The following WWOX variants were observed in gnomAD, a reference collection of about 807,000 sequenced individuals.
The protein encoded by WWOX is WW domain containing oxidoreductase.
WWOX carries 69 observed loss-of-function variants against 46.2 expected under a neutral mutation model. The observed-to-expected ratio is 1.49, with a 90% CI of 1.23 to 1.82. WWOX has a LOEUF of 1.82. Among genes scored for constraint, WWOX ranks in the 40% most tolerant of loss-of-function variants. WWOX has a pLI of 0.00. For synonymous variants in WWOX, 359 were observed against 202.6 expected, an observed-to-expected ratio of 1.77 and a Z score of -6.56; for missense variants, 919 against 542.6, an observed-to-expected ratio of 1.69 and a Z score of -6.89.
intron 4 of WWOX, among the ~76,000 whole-genome samples, chr16:78,127,541 A>G (rs74373318): frequency 0.019 from 2,881 of 147,852 alleles, 108 homozygotes; most frequent in African/African-American, 0.069. Context: ...CACCGAGACG[A>G]GGTTATTTTT....
At chr16:78,746,233 C>T (rs1006445444) in intron 8 of WWOX, among the ~76,000 whole-genome samples, 1 of 152,208 alleles carries the variant, frequency 6.6e-6, no homozygotes, top group African/African-American at 2.4e-5. Context: ...CATGGTGGCT[C>T]ACACCTGTAA....
intron 5 of WWOX, among the ~76,000 whole-genome samples, chr16:78,379,572 G>C (rs1255558246): frequency 1.3e-5 from 2 of 152,200 alleles, no homozygotes; most frequent in Non-Finnish European, 2.9e-5. Context: ...CTGTGCCAGG[G>C]ATTCTTTTGT....
intron 5 of WWOX, among the ~76,000 whole-genome samples, chr16:78,345,372 G>A: frequency 9.9e-6 from 1 of 101,148 alleles, no homozygotes. Flanking sequence ...TTTAATCCCA[G>A]CACTTTGCGA....
At chr16:78,586,516 G>A (rs1042585527) in intron 8 of WWOX, among the ~76,000 whole-genome samples, 27 of 152,132 alleles carry the variant, frequency 1.8e-4, no homozygotes, top group Non-Finnish European at 5.9e-5. Flanking sequence ...TTTACTCATT[G>A]TCTAATTGAA....
At chr16:78,962,827 T>A (rs1477034274) in intron 8 of WWOX, among the ~76,000 whole-genome samples, 1 of 152,188 alleles carries the variant, frequency 6.6e-6, no homozygotes, top group East Asian at 1.9e-4. Flanking sequence ...CATTAAGAGG[T>A]AACCACTATT....
intron 8 of WWOX, among the ~76,000 whole-genome samples, chr16:78,608,569 A>T (rs1375990293): frequency 6.6e-6 from 1 of 152,194 alleles, no homozygotes; most frequent in Non-Finnish European, 1.5e-5. Context: ...AGAAAGAGTT[A>T]AGTGAGGTAA....
At chr16:78,825,347 C>A in intron 8 of WWOX, 1 of 309,928 alleles carries the variant, frequency 3.2e-6, no homozygotes, top group South Asian at 3.6e-5. Context: ...TGAACGGAAT[C>A]AGTTTCTTAC....
chr16:78,623,657 G>A (rs930237918), intron 8 of WWOX, among the ~76,000 whole-genome samples: 2 of 151,258 alleles, frequency 1.3e-5, no homozygotes, highest in African/African-American at 4.9e-5. Context: ...TAACCAAGTT[G>A]TGAAAGGAGC....
chr16:78,667,991 C>G (rs1361895105), intron 8 of WWOX, among the ~76,000 whole-genome samples: 1 of 151,926 alleles, frequency 6.6e-6, no homozygotes, highest in African/African-American at 2.4e-5. Flanking sequence ...CAAAACCATA[C>G]AACTTGGCTG....
intron 8 of WWOX, among the ~76,000 whole-genome samples, chr16:78,752,926 C>T (rs1454240875): frequency 1.3e-5 from 2 of 152,210 alleles, no homozygotes; most frequent in African/African-American, 2.4e-5. Flanking sequence ...CGGCACACTC[C>T]AGCTTAAATA....
chr16:78,468,102 T>C lies in WWOX; in HGVS notation c.1056+35350T>C, dbSNP rs1291723846. Among the ~76,000 whole-genome samples, 31 of 152,146 alleles carry C rather than the reference T, an allele frequency of 2.0e-4. 1 individual carries two copies. The highest frequency in any genetic ancestry group is 2.0e-3 in the Admixed American group (31 of 15,262). On this transcript the variant is annotated intron_variant, in intron 8 of 8. Transcript: ENST00000566780. ...CATTTTCTAAGTGTCCTCATTGCCCTCTGGGAATGTTCATGGCCTCTGGGA... is the reference window on the plus strand; with the variant it reads ...CATTTTCTAAGTGTCCTCATTGCCCCCTGGGAATGTTCATGGCCTCTGGGA...
intron 8 of WWOX, among the ~76,000 whole-genome samples, chr16:78,546,561 ATAAT>A (rs1209916467): frequency 3.9e-5 from 6 of 152,246 alleles, no homozygotes; most frequent in African/African-American, 7.2e-5. Flanking sequence ...GTTTGTTGAA[ATAAT>A]TAATTCTCAA....
chr16:79,041,543 G>C (rs528812844), intron 8 of WWOX, among the ~76,000 whole-genome samples: 3 of 152,252 alleles, frequency 2.0e-5, no homozygotes, highest in African/African-American at 7.2e-5. Context: ...GCTTAGCAGG[G>C]GGCCAAGGAG....
intron 8 of WWOX, among the ~76,000 whole-genome samples, chr16:78,828,094 G>A (rs544867733): frequency 1.8e-4 from 27 of 152,266 alleles, no homozygotes; most frequent in African/African-American, 5.8e-4. Flanking sequence ...CAGGCTGTGA[G>A]GCCTTAATGA....
intron 8 of WWOX, among the ~76,000 whole-genome samples, chr16:78,596,153 C>G (rs1199274996): frequency 6.7e-6 from 1 of 149,248 alleles, no homozygotes; most frequent in African/African-American, 2.6e-5. Flanking sequence ...GAATATAAAA[C>G]AAAATACGAT....
intron 8 of WWOX, among the ~76,000 whole-genome samples, chr16:78,584,919 C>T (rs2045157171): frequency 6.6e-6 from 1 of 152,222 alleles, no homozygotes; most frequent in African/African-American, 2.4e-5. Context: ...CAGAATTTTT[C>T]TCCCGCCTCG....
intron 5 of WWOX, among the ~76,000 whole-genome samples, chr16:78,365,583 A>G (rs1416821522): frequency 6.6e-6 from 1 of 152,216 alleles, no homozygotes; most frequent in Non-Finnish European, 1.5e-5. Flanking sequence ...TCCCTGAATC[A>G]TAGTGTTGCT....
At chr16:79,157,761 G>A (rs917560559) in intron 8 of WWOX, among the ~76,000 whole-genome samples, 36 of 152,202 alleles carry the variant, frequency 2.4e-4, no homozygotes, top group Admixed American at 5.2e-4. Flanking sequence ...AGAGTGGAGG[G>A]ACATGGGGAG....
intron 8 of WWOX, among the ~76,000 whole-genome samples, chr16:78,579,023 T>C (rs1473720377): frequency 2.6e-5 from 4 of 152,200 alleles, no homozygotes; most frequent in Admixed American, 2.0e-4. Context: ...TCTTAGGCAT[T>C]TTTTTCCTTT....
Sources: gnomAD v4.1 joint callset for allele counts (sites outside exome capture counted in the v4.1 genomes callset) on GRCh38, gnomAD v4.1.1 for gene constraint, MANE v1.5 for transcripts, NCBI Gene and HGNC (gene_info 2026-07-23, HGNC 2026-07-21) for gene names.